ATG4B: variants seen among roughly 807,000 people sequenced by gnomAD.
ATG4B encodes the protein autophagy related 4B cysteine peptidase.
In ATG4B, 29 loss-of-function variants were observed where a neutral mutation model predicts 56.6. The observed-to-expected ratio is 0.51, with a 90% CI of 0.38 to 0.70. ATG4B has a LOEUF of 0.70. Among genes scored for constraint, ATG4B ranks in the 30% least tolerant of loss-of-function variants. ATG4B has a pLI of 0.00. For missense variants in ATG4B, 461 were observed against 515.5 expected, an observed-to-expected ratio of 0.89 and a Z score of 1.02; for synonymous variants, 224 against 206.1, an observed-to-expected ratio of 1.09 and a Z score of -0.74.
chr2:241,670,729 T>C lies in ATG4B; in HGVS notation c.961T>C (p.Phe321Leu), dbSNP rs1449529901. 6.2e-7 allele frequency: 1 copy of C among 1,608,986 alleles called. No individual in the cohort carries two copies. Among genetic ancestry groups the C allele is most frequent in the Admixed American group, 1.7e-5 (1 of 59,148 alleles). Reference sequence around the variant, plus strand: ...GCTCATCGTCATTTCGTTTTAGGGGTTTTTCTGTAAGACTGAAGATGACTT... The same window carrying C: ...GCTCATCGTCATTTCGTTTTAGGGGCTTTTCTGTAAGACTGAAGATGACTT... ...AELDPSIAVG[F>L]FCKTEDDFND... Residue 321 changes from phenylalanine to leucine, a missense_variant, in exon 11 of 13, where the codon TTT becomes CTT. Physicochemically the swap from Phe to Leu is conservative, Grantham distance 22. Transcript: ENST00000404914.
intron 1 of ATG4B, among the ~76,000 whole-genome samples, chr2:241,641,911 C>A (rs1183960620): frequency 5.3e-5 from 8 of 152,178 alleles, no homozygotes; most frequent in Non-Finnish European, 2.9e-5. Flanking sequence ...GCATGCTCCC[C>A]ATTCAGACGA....
At chr2:241,649,516 C>T (rs1272388436) in intron 1 of ATG4B, among the ~76,000 whole-genome samples, 1 of 152,202 alleles carries the variant, frequency 6.6e-6, no homozygotes, top group Non-Finnish European at 1.5e-5. Context: ...TGATCAGACA[C>T]CATCAGAGCT....
Position 241,668,371 on chromosome 2 carries a change from C to G in ATG4B, c.811+150C>G. 7.4e-7 allele frequency: 1 copy of G among 1,358,426 alleles called. No individual in the cohort carries two copies. Among genetic ancestry groups the G allele is most frequent in the East Asian group, 2.5e-5 (1 of 39,962 alleles). The allele number at this position is 1,358,426 out of a possible 1,614,324, so 84.1% of individuals were successfully genotyped here. ...CATTTTCAGCCTGGTCGCGGGCGGC[C>G]TCCTGTGTGCCCCTTTCCCTGATGG... On this transcript the variant is annotated intron_variant, in intron 9 of 12. Coordinates refer to ENST00000404914, the MANE Select transcript of ATG4B (RefSeq NM_013325.5). The surrounding 1 kb of genome is among the most constrained non-coding windows in gnomAD (Gnocchi z 4.2).
rs886243105 is a variant in ATG4B at position 241,654,492 on chromosome 2, A to T, written c.284-54A>T. ...ATCTGTATCTTTAGTGTGAAAGTGAAAACTTGTTTCTCATATTTATGGTAG... is the reference window on the plus strand; with the variant it reads ...ATCTGTATCTTTAGTGTGAAAGTGATAACTTGTTTCTCATATTTATGGTAG... On this transcript the variant is annotated intron_variant, in intron 4 of 12. Coordinates refer to ENST00000404914, the MANE Select transcript of ATG4B (RefSeq NM_013325.5). 11 of 1,298,226 alleles carry T rather than the reference A, an allele frequency of 8.5e-6. No individual in the cohort carries two copies. In the African/African-American group the frequency reaches 1.5e-4, roughly 17 times the overall value. 80.4% of individuals were successfully genotyped at this position (1,298,226 alleles called of 1,614,324 possible).
Position 241,651,120 on chromosome 2 carries a change from C to T in ATG4B, c.112+9C>T, listed in dbSNP as rs752126745. 6.2e-7 allele frequency: 1 copy of T among 1,608,928 alleles called. No homozygotes were observed. Among genetic ancestry groups the T allele is most frequent in the Non-Finnish European group, 8.5e-7 (1 of 1,177,032 alleles). On this transcript the variant is annotated intron_variant, in intron 2 of 12. Coordinates refer to ENST00000404914, the MANE Select transcript of ATG4B (RefSeq NM_013325.5). The surrounding 1 kb of genome is among the most constrained non-coding windows in gnomAD (Gnocchi z 4.1). ...ATACAGCATTTTCACAGGTATCGGC[C>T]ATGCTGGAGCCCACCCTGGTCTGAC...
chr2:241,672,225 C>T lies in ATG4B; in HGVS notation c.1143C>T (p.Phe381=), dbSNP rs367646998. 4.9e-5 allele frequency: 78 copies of T among 1,586,234 alleles called. No individual in the cohort carries two copies. The highest frequency in any genetic ancestry group is 1.5e-4 in the African/African-American group (11 of 74,424). The change falls in exon 13 of 13, where the codon TTC becomes TTT. Residue 381 remains phenylalanine, a synonymous_variant. Coordinates refer to ENST00000404914, the MANE Select transcript of ATG4B (RefSeq NM_013325.5). ...SSDVERLERF[F]DSEDEDFEIL... is the part of the protein sequence containing the mutation. ...ATGTAGAGCGACTGGAAAGATTCTT[C>T]GACTCAGAAGATGAAGACTTTGAAA...
chr2:241,672,061 C>G, intron 12 of ATG4B, 130 bp from the exon 13 acceptor site: 1 of 1,473,726 alleles, frequency 6.8e-7, no homozygotes, highest in African/African-American at 1.4e-5. Context: ...CCTGTTCACA[C>G]CCGCATGGGG....
Position 241,643,267 on chromosome 2 carries a change from C to T in ATG4B, c.10+5543C>T, listed in dbSNP as rs145756445. 5.4e-3 allele frequency among the ~76,000 whole-genome samples: 821 copies of T among 151,754 alleles called. 17 individuals carry two copies. The highest frequency in any genetic ancestry group is 0.019 in the African/African-American group (777 of 41,358). On this transcript the variant is annotated intron_variant, in intron 1 of 12. Coordinates refer to ENST00000404914, the MANE Select transcript of ATG4B (RefSeq NM_013325.5). ...TCGCTCAGACTGGAGTATGGTGTTG[C>T]GGCCTCAGCTCATTGCAGCCTTGAC...
chr2:241,671,783 A>G (rs1025278089), intron 12 of ATG4B: 9 of 1,276,508 alleles, frequency 7.1e-6, no homozygotes, highest in Non-Finnish European at 9.0e-6. Flanking sequence ...CCCTCGGACC[A>G]TGGCCAGCGT....
intron 1 of ATG4B, among the ~76,000 whole-genome samples, chr2:241,645,964 T>TG (rs1421129193): frequency 3.2e-4 from 49 of 152,272 alleles, no homozygotes; most frequent in African/African-American, 1.1e-3. Context: ...GCTGCGCCAC[T>TG]CCTGTTCACT....
chr2:241,653,947 C>T (rs140011320), intron 4 of ATG4B, among the ~76,000 whole-genome samples: 4 of 141,708 alleles, frequency 2.8e-5, no homozygotes, highest in African/African-American at 1.1e-4. Context: ...GCTGAGATCG[C>T]ACCACTGCGC....
In ATG4B at chr2:241,666,734, G is replaced by A. The variant is rs756120336; in HGVS notation, c.628G>A (p.Ala210Thr). Residue 210 changes from alanine to threonine, a missense_variant, in exon 8 of 13, where the codon GCT (alanine) becomes ACT (threonine). Ala to Thr is a moderately conservative substitution (Grantham distance 58). Coordinates refer to ENST00000404914, the MANE Select transcript of ATG4B (RefSeq NM_013325.5). The stretch of plus-strand genomic sequence containing the variant: ...GCACTGCAACGGATTCCCTGCCGGA[G>A]CTGAGGTCACCAACAGGCCGTCGCC... Reference protein sequence around the residue: ...DRHCNGFPAGAEVTNRPSPWR... With the variant: ...DRHCNGFPAGTEVTNRPSPWR... The A allele has an allele frequency of 6.2e-7, 1 of 1,611,262 alleles. No homozygotes were observed. The highest frequency in any genetic ancestry group is 2.2e-5 in the East Asian group (1 of 44,792).
chr2:241,658,535 CTGAGA>C (rs931567674), intron 6 of ATG4B, among the ~76,000 whole-genome samples: 1 of 152,216 alleles, frequency 6.6e-6, no homozygotes, highest in African/African-American at 2.4e-5. Flanking sequence ...TCCGCCAGAC[CTGAGA>C]TGAGATCAGA....
chr2:241,638,904 A>G (rs986328961), intron 1 of ATG4B, among the ~76,000 whole-genome samples: 1 of 152,194 alleles, frequency 6.6e-6, no homozygotes, highest in Non-Finnish European at 1.5e-5. Flanking sequence ...GTTGTATTAT[A>G]TCTTTTTAGG....
Position 241,665,935 on chromosome 2 carries a change from T to C in ATG4B, c.539-710T>C, listed in dbSNP as rs571176072. ...ACTGTCACCTGTCACTGTCCATCTT[T>C]TTGATGCTTGACGGTTCCACCTTTG... On this transcript the variant is annotated intron_variant, in intron 7 of 12. Transcript: ENST00000404914. Among the ~76,000 whole-genome samples the C allele has an allele frequency of 3.9e-5, 6 of 152,366 alleles. No homozygotes were observed. In the South Asian group the frequency reaches 1.0e-3, roughly 26 times the overall value.
rs1361394289 is a variant in ATG4B, at chr2:241,651,183, C to T, written c.112+72C>T. 9.0e-6 allele frequency: 14 copies of T among 1,555,638 alleles called. No homozygotes were observed. The highest frequency in any genetic ancestry group is 1.2e-5 in the Non-Finnish European group (14 of 1,141,792). The stretch of plus-strand genomic sequence containing the variant: ...AGAAGCATTTTGTGATCACTGTTCT[C>T]TGCTAACTCTGCCATAACTTGTGAC... On this transcript the variant is annotated intron_variant, in intron 2 of 12. Transcript: ENST00000404914. The surrounding 1 kb of genome is among the most constrained non-coding windows in gnomAD (Gnocchi z 4.1).
chr2:241,653,868 T>G (rs1030128633), intron 4 of ATG4B, among the ~76,000 whole-genome samples: 1 of 152,060 alleles, frequency 6.6e-6, no homozygotes, highest in Non-Finnish European at 1.5e-5. Context: ...GGCTCCTGCC[T>G]GTAGTCCCAG....
chr2:241,667,994 C>T (rs2068832089), intron 8 of ATG4B, 149 bp from the exon 9 acceptor site: 3 of 682,954 alleles, frequency 4.4e-6, no homozygotes, highest in Middle Eastern at 8.3e-4. Context: ...CTTTCCTGGA[C>T]AGTAAGCTCT....
chr2:241,667,523 G>A (rs1053233042), intron 8 of ATG4B, among the ~76,000 whole-genome samples: 3 of 151,324 alleles, frequency 2.0e-5, no homozygotes, highest in African/African-American at 7.3e-5. Flanking sequence ...AGAATCTCTT[G>A]AACCCAGGAG....
Sources: allele counts gnomAD v4.1 joint callset (sites outside exome capture counted in the v4.1 genomes callset), GRCh38; gene constraint gnomAD v4.1.1; non-coding constraint Gnocchi (gnomAD v3.1); transcripts MANE v1.5; gene names NCBI Gene and HGNC (gene_info 2026-07-23, HGNC 2026-07-21).